KIF1B: variants seen among roughly 807,000 people sequenced by gnomAD.
The protein encoded by KIF1B is kinesin family member 1B, also known as kinesin-like protein KIF1B.
In KIF1B, 76 loss-of-function variants were observed where a neutral mutation model predicts 241.9. That is an observed-to-expected ratio of 0.31 (90% CI 0.26 to 0.38). The LOEUF (loss-of-function observed/expected upper bound fraction) is 0.38. KIF1B is among the 10% of genes least tolerant of loss of function. The pLI is 1.00. For synonymous variants in KIF1B, 750 were observed against 796.7 expected, an observed-to-expected ratio of 0.94 and a Z score of 0.99; for missense variants, 1,622 against 2,271.4, an observed-to-expected ratio of 0.71 and a Z score of 5.81.
At chr1:10,324,570 C>G (rs1228061880) in intron 25 of KIF1B, among the ~76,000 whole-genome samples, 188 bp from the exon 26 acceptor site, 1 of 151,906 alleles carries the variant, frequency 6.6e-6, no homozygotes, top group Non-Finnish European at 1.5e-5. Context: ...TCTCTAGAAT[C>G]AAGACACTTT....
At chr1:10,249,700 G>A (rs773288490) in intron 2 of KIF1B, among the ~76,000 whole-genome samples, 7 of 152,114 alleles carry the variant, frequency 4.6e-5, no homozygotes, top group East Asian at 1.9e-4. Flanking sequence ...CCAGGAGTTC[G>A]AGACCAGCTG....
intron 36 of KIF1B, 92 bp from the exon 37 acceptor site, chr1:10,348,557 C>A (rs1652670827): frequency 1.1e-6 from 1 of 897,668 alleles, no homozygotes; most frequent in Non-Finnish European, 1.8e-6. Flanking sequence ...TCCTGCTCAT[C>A]CCCCATGCCA....
At chr1:10,276,673 A>G (rs947623342) in intron 12 of KIF1B, among the ~76,000 whole-genome samples, 1 of 152,146 alleles carries the variant, frequency 6.6e-6, no homozygotes, top group African/African-American at 2.4e-5. Flanking sequence ...CATAGGAAAG[A>G]TTTTTAAATT....
In KIF1B at chr1:10,288,414, T is replaced by C. The variant is rs1649818126; in HGVS notation, c.1435-2668T>C. On this transcript the variant is annotated intron_variant, in intron 15 of 48. Coordinates refer to ENST00000676179, the MANE Select transcript of KIF1B (RefSeq NM_001365951.3). ...TGTTCTCCATTTGTGGGGCGGCATG[T>C]GCACTGCATGGTAATCATTTCTGCT... 2.0e-5 allele frequency among the ~76,000 whole-genome samples: 3 copies of C among 152,220 alleles called. No individual in the cohort carries two copies. In the South Asian group the frequency reaches 6.2e-4, roughly 31 times the overall value.
chr1:10,315,826 C>G (rs1048714210), intron 22 of KIF1B, among the ~76,000 whole-genome samples: 1 of 151,016 alleles, frequency 6.6e-6, no homozygotes, highest in Non-Finnish European at 1.5e-5. Context: ...GAGGCCGAGA[C>G]GGGTGGATCA....
chr1:10,350,343 A>T (rs1474190343), intron 37 of KIF1B, among the ~76,000 whole-genome samples: 1 of 150,888 alleles, frequency 6.6e-6, no homozygotes, highest in African/African-American at 2.4e-5. Context: ...GCGGATCACG[A>T]GGTCAGGAGA....
chr1:10,262,441 G>A (rs1483076963), intron 5 of KIF1B, among the ~76,000 whole-genome samples: 1 of 152,140 alleles, frequency 6.6e-6, no homozygotes, highest in Non-Finnish European at 1.5e-5. Context: ...GAATCACTGA[G>A]CCCAGCCACA....
Position 10,272,167 on chromosome 1 carries a change from A to G in KIF1B, c.799-74A>G, listed in dbSNP as rs552585792. On this transcript the variant is annotated intron_variant, in intron 8 of 48. Coordinates refer to ENST00000676179, the MANE Select transcript of KIF1B (RefSeq NM_001365951.3). ...GAAATATGCTAGCATATGGCAAATCATATTTTATGTTCTGTATGATATAGC... is the reference window on the plus strand; with the variant it reads ...GAAATATGCTAGCATATGGCAAATCGTATTTTATGTTCTGTATGATATAGC... 4.2e-5 allele frequency: 41 copies of G among 965,844 alleles called. No homozygotes were observed. The African/African-American group carries it at 6.4e-4, about 15-fold the overall frequency. 59.8% of individuals were successfully genotyped at this position (965,844 alleles called of 1,614,324 possible).
At position 10,284,617 on chromosome 1, in the gene KIF1B, G is replaced by A. The variant is rs184551868; in HGVS notation, c.1434+2084G>A. Among the ~76,000 whole-genome samples the A allele has an allele frequency of 1.4e-4, 22 of 152,204 alleles. 1 individual carries two copies. Among genetic ancestry groups the A allele is most frequent in the East Asian group, 9.7e-4 (5 of 5,168 alleles). ...CAAGAATCACTTGAACTTGGGAGGC[G>A]GAGGTTGCACAGCCTGGAGATTGCG... On this transcript the variant is annotated intron_variant, in intron 15 of 48. Coordinates refer to ENST00000676179, the MANE Select transcript of KIF1B (RefSeq NM_001365951.3).
rs1045849127 is a variant in KIF1B, at chr1:10,365,755, T to C, written c.4752+107T>C. ...TTTGTTCGAGGTGTTTGAAGGCCTG[T>C]GATAATACTGTGAATGTAGAAATAA... On this transcript the variant is annotated intron_variant, in intron 43 of 48. Transcript: ENST00000676179. The surrounding 1 kb of genome is among the most constrained non-coding windows in gnomAD (Gnocchi z 4.0). 2.2e-5 allele frequency: 32 copies of C among 1,449,402 alleles called. No individual in the cohort carries two copies. In the Admixed American group the frequency reaches 5.3e-4, roughly 24 times the overall value. 89.8% of individuals were successfully genotyped at this position (1,449,402 alleles called of 1,614,324 possible).
At chr1:10,335,294 C>T (rs1234709500) in intron 28 of KIF1B, among the ~76,000 whole-genome samples, 2 of 152,120 alleles carry the variant, frequency 1.3e-5, no homozygotes, top group Non-Finnish European at 2.9e-5. Flanking sequence ...GCTCTATTGC[C>T]CAGGCTGGAG....
intron 1 of KIF1B, among the ~76,000 whole-genome samples, chr1:10,228,569 T>C (rs952177239): frequency 6.6e-6 from 1 of 152,216 alleles, no homozygotes; most frequent in Admixed American, 6.5e-5. Context: ...TAACATAATC[T>C]TTGAAAATTA....
chr1:10,319,515 G>C (rs1415937679), intron 22 of KIF1B, among the ~76,000 whole-genome samples: 1 of 152,126 alleles, frequency 6.6e-6, no homozygotes, highest in Non-Finnish European at 1.5e-5. Flanking sequence ...TTACCTGAAG[G>C]CTAAACTCAT....
chr1:10,221,094 CT>C (rs34039054), intron 1 of KIF1B, among the ~76,000 whole-genome samples: 1,224 of 94,166 alleles, frequency 0.013, 2 homozygotes, highest in Middle Eastern at 0.032. Flanking sequence ...CAGAAAGAAG[CT>C]TTTTTTTTTT....
At chr1:10,281,305 C>T (rs1039518244) in intron 14 of KIF1B, among the ~76,000 whole-genome samples, 1 of 151,852 alleles carries the variant, frequency 6.6e-6, no homozygotes, top group East Asian at 1.9e-4. Context: ...TTAAGATTTA[C>T]CTTTGGTATC....
intron 17 of KIF1B, among the ~76,000 whole-genome samples, chr1:10,293,393 ATT>A (rs34521613): frequency 0.18 from 23,334 of 128,064 alleles, 1,970 homozygotes; most frequent in African/African-American, 0.37. Context: ...CTGTGAGGAA[ATT>A]TTTTTTTTTT....
chr1:10,218,545 C>T (rs952873851), intron 1 of KIF1B, among the ~76,000 whole-genome samples: 3 of 151,992 alleles, frequency 2.0e-5, no homozygotes, highest in Non-Finnish European at 2.9e-5. Context: ...CTCAGCCTCC[C>T]GAGTAGCTGG....
At chr1:10,336,377 G>C (rs1355161380) in intron 28 of KIF1B, among the ~76,000 whole-genome samples, 1 of 152,212 alleles carries the variant, frequency 6.6e-6, no homozygotes, top group Admixed American at 6.5e-5. Context: ...TCGAACTCCT[G>C]ACCTCGTGAT....
chr1:10,278,113 G>A lies in KIF1B; in HGVS notation c.1165G>A (p.Gly389Arg). The A allele has an allele frequency of 6.2e-7, 1 of 1,613,988 alleles. No homozygotes were observed. The highest frequency in any genetic ancestry group is 8.5e-7 in the Non-Finnish European group (1 of 1,179,906). Residue 389 changes from glycine (G) to arginine (R), a missense_variant, in exon 13 of 49, where the codon GGA becomes AGA. Physicochemically the swap from Gly to Arg is moderately radical, Grantham distance 125. Coordinates refer to ENST00000676179, the MANE Select transcript of KIF1B (RefSeq NM_001365951.3). The stretch of plus-strand genomic sequence containing the variant: ...GGACCTTCTTCGTGCTCAGGGCCTG[G>A]GAGATATTATTGATAGTAAGTGAAT... ...LKDLLRAQGLGDIIDIDPLID... is the reference protein window; with the variant it reads ...LKDLLRAQGLRDIIDIDPLID...
Sources: gnomAD v4.1 joint callset for allele counts (sites outside exome capture counted in the v4.1 genomes callset) on GRCh38, gnomAD v4.1.1 for gene constraint, Gnocchi (gnomAD v3.1) non-coding constraint, MANE v1.5 for transcripts, NCBI Gene and HGNC (gene_info 2026-07-23, HGNC 2026-07-21) for gene names.